The following AUTS2 variants were observed in gnomAD, a reference collection of about 807,000 sequenced individuals.
AUTS2 encodes autism susceptibility gene 2 protein.
In AUTS2, 17 loss-of-function variants were observed where a neutral mutation model predicts 112.4. The ratio of observed to expected loss-of-function variants is 0.15; its 90% CI spans 0.10 to 0.23. The LOEUF (loss-of-function observed/expected upper bound fraction) is 0.23, where lower values mean the gene tolerates loss of function less well. Among genes scored for constraint, AUTS2 ranks in the 10% least tolerant of loss-of-function variants. The probability of loss-of-function intolerance (pLI) is 1.00; values close to 1 mark genes in which losing one functional copy is unlikely to be tolerated. For synonymous variants in AUTS2, 751 were observed against 702.7 expected, an observed-to-expected ratio of 1.07 and a Z score of -1.09; for missense variants, 1,510 against 1,701.6, an observed-to-expected ratio of 0.89 and a Z score of 1.98.
chr7:70,185,750 AGAATC>A (rs1809569745), intron 4 of AUTS2, among the ~76,000 whole-genome samples: 1 of 152,176 alleles, frequency 6.6e-6, no homozygotes, highest in African/African-American at 2.4e-5. Flanking sequence ...TTACATGTGT[AGAATC>A]AAAGAGCAAT....
At chr7:70,125,595 T>C (rs1443329840) in intron 3 of AUTS2, among the ~76,000 whole-genome samples, 1 of 152,176 alleles carries the variant, frequency 6.6e-6, no homozygotes, top group Non-Finnish European at 1.5e-5. Flanking sequence ...TCTGTGATGC[T>C]GTCTCCTCCT....
chr7:69,627,913 A>G (rs1794035136), intron 1 of AUTS2, among the ~76,000 whole-genome samples: 1 of 152,268 alleles, frequency 6.6e-6, no homozygotes, highest in Non-Finnish European at 1.5e-5. Context: ...AATGAACATT[A>G]TAATCTTAGG....
intron 5 of AUTS2, among the ~76,000 whole-genome samples, chr7:70,697,400 T>A (rs1809176372): frequency 6.6e-6 from 1 of 152,192 alleles, no homozygotes. Flanking sequence ...ATACAAATAT[T>A]TTGTCTTTCT....
chr7:70,269,615 T>C (rs1787591272), intron 4 of AUTS2, among the ~76,000 whole-genome samples: 1 of 152,184 alleles, frequency 6.6e-6, no homozygotes, highest in Non-Finnish European at 1.5e-5. Context: ...GCCTGTCTTA[T>C]CAAGGTTCTT....
chr7:70,651,192 T>C (rs1459961828), intron 5 of AUTS2, among the ~76,000 whole-genome samples: 7 of 152,240 alleles, frequency 4.6e-5, no homozygotes, highest in Non-Finnish European at 8.8e-5. Flanking sequence ...ATTTCCGCTA[T>C]ATAGATAAGG....
intron 5 of AUTS2, among the ~76,000 whole-genome samples, chr7:70,534,530 G>A (rs113073491): frequency 2.8e-4 from 43 of 152,168 alleles, no homozygotes; most frequent in African/African-American, 5.1e-4. Flanking sequence ...AGGTTCAAGC[G>A]ATTCTCCTGC....
chr7:69,623,953 G>A (rs1341544508), intron 1 of AUTS2, among the ~76,000 whole-genome samples: 1 of 152,136 alleles, frequency 6.6e-6, no homozygotes, highest in Admixed American at 6.5e-5. Flanking sequence ...ATAAGTAAAG[G>A]TTGATGAAAC....
chr7:70,449,094 A>C (rs747210674), intron 5 of AUTS2, among the ~76,000 whole-genome samples: 5 of 152,264 alleles, frequency 3.3e-5, no homozygotes, highest in Non-Finnish European at 5.9e-5. Flanking sequence ...TTGGAATTTA[A>C]ATGTGTTAAA....
intron 4 of AUTS2, among the ~76,000 whole-genome samples, chr7:70,370,035 G>C (rs911368622): frequency 1.3e-5 from 2 of 152,172 alleles, no homozygotes; most frequent in Admixed American, 1.3e-4. Flanking sequence ...GTGCAGCCTA[G>C]CACCTTGCAA....
At chr7:70,249,064 A>G (rs1295103431) in intron 4 of AUTS2, among the ~76,000 whole-genome samples, 1 of 152,228 alleles carries the variant, frequency 6.6e-6, no homozygotes, top group African/African-American at 2.4e-5. Flanking sequence ...TTCACTTTGA[A>G]TATTGAAGAT....
intron 5 of AUTS2, among the ~76,000 whole-genome samples, chr7:70,544,126 A>G (rs760443574): frequency 3.3e-5 from 5 of 152,198 alleles, no homozygotes; most frequent in Non-Finnish European, 7.3e-5. Context: ...CTTAAACAAG[A>G]TTTGGTGTGA....
intron 4 of AUTS2, chr7:70,292,420 T>A (rs1256897549): frequency 2.6e-5 from 4 of 152,396 alleles, no homozygotes; most frequent in Non-Finnish European, 5.9e-5. Context: ...TGTAAAACCA[T>A]GCCTGTATTC....
Position 70,253,795 on chromosome 7 carries a change from T to C in AUTS2, c.660+119224T>C, listed in dbSNP as rs544504425. 2.6e-5 allele frequency among the ~76,000 whole-genome samples: 4 copies of C among 152,240 alleles called. No individual in the cohort carries two copies. The East Asian group carries it at 5.8e-4, about 22-fold the overall frequency. ...CAATACTATTTGAGATGAGAAATTTTCATTGCAATTTACTTGAGGGAGAGG... is the reference window on the plus strand; with the variant it reads ...CAATACTATTTGAGATGAGAAATTTCCATTGCAATTTACTTGAGGGAGAGG... On this transcript the variant is annotated intron_variant, in intron 4 of 18. Transcript: ENST00000342771.
chr7:70,394,971 A>G (rs889863801), intron 4 of AUTS2, among the ~76,000 whole-genome samples: 1 of 152,222 alleles, frequency 6.6e-6, no homozygotes, highest in African/African-American at 2.4e-5. Flanking sequence ...AACACATACT[A>G]TATTTCTGGC....
At chr7:69,808,319 C>G (rs976790794) in intron 1 of AUTS2, among the ~76,000 whole-genome samples, 8 of 152,194 alleles carry the variant, frequency 5.3e-5, no homozygotes, top group African/African-American at 1.9e-4. Context: ...ATCAAACTCT[C>G]TGGGTATAGT....
At chr7:70,235,773 C>T (rs1370830639) in intron 4 of AUTS2, among the ~76,000 whole-genome samples, 1 of 151,776 alleles carries the variant, frequency 6.6e-6, no homozygotes, top group Non-Finnish European at 1.5e-5. Context: ...TGCCTCAGCC[C>T]ACCATGTAGC....
At chr7:69,886,818 T>TCATTCTGTCA (rs1230337103) in intron 1 of AUTS2, among the ~76,000 whole-genome samples, 1 of 150,460 alleles carries the variant, frequency 6.6e-6, no homozygotes, top group Non-Finnish European at 1.5e-5. Context: ...TGTCAGGGTC[T>TCATTCTGTCA]CATTCTGTCA....
chr7:69,770,450 G>A (rs533780416), intron 1 of AUTS2, among the ~76,000 whole-genome samples: 1 of 152,164 alleles, frequency 6.6e-6, no homozygotes, highest in Non-Finnish European at 1.5e-5. Flanking sequence ...AGGTGGAGGC[G>A]CCGCAGTGGG....
chr7:70,659,001 G>A (rs1023141644), intron 5 of AUTS2, among the ~76,000 whole-genome samples: 8 of 152,174 alleles, frequency 5.3e-5, no homozygotes, highest in Non-Finnish European at 1.2e-4. Flanking sequence ...AGAGCCTTCC[G>A]TGATTTTAAT....
Sources: gnomAD v4.1 joint callset for allele counts (sites outside exome capture counted in the v4.1 genomes callset) on GRCh38, gnomAD v4.1.1 for gene constraint, MANE v1.5 for transcripts, NCBI Gene and HGNC (gene_info 2026-07-23, HGNC 2026-07-21) for gene names.